The following ZNF407 variants were observed in gnomAD, a reference collection of about 807,000 sequenced individuals.
The protein encoded by ZNF407 is zinc finger protein 407.
In ZNF407, 17 loss-of-function variants were observed where a neutral mutation model predicts 131.2. That is an observed-to-expected ratio of 0.13 (90% CI 0.09 to 0.19). The LOEUF (loss-of-function observed/expected upper bound fraction) is 0.19. Among genes scored for constraint, ZNF407 ranks in the 10% least tolerant of loss-of-function variants. The pLI, the probability that ZNF407 is intolerant of heterozygous loss-of-function variation, is 1.00. For missense variants in ZNF407, 2,681 were observed against 2,830.6 expected, an observed-to-expected ratio of 0.95 and a Z score of 1.20; for synonymous variants, 1,156 against 1,062.0, an observed-to-expected ratio of 1.09 and a Z score of -1.72.
In ZNF407 at chr18:74,649,814, A is replaced by T. The variant is rs1390891824; in HGVS notation, c.4802+8692A>T. Among the ~76,000 whole-genome samples the T allele has an allele frequency of 2.0e-5, 3 of 152,356 alleles. 1 individual carries two copies. The Middle Eastern group carries it at 0.01, about 518-fold the overall frequency. On this transcript the variant is annotated intron_variant, in intron 3 of 8. Transcript: ENST00000299687. ...ACCATTCTTTTTAACAAGGGAAATA[A>T]TGGACACAGGTTTAAGCAGCAAAGT...
chr18:74,622,829 CGTGTGA>C (rs1312776245), intron 1 of ZNF407, among the ~76,000 whole-genome samples: 5 of 44,440 alleles, frequency 1.1e-4, no homozygotes, highest in East Asian at 1.3e-3. Flanking sequence ...AATGTGAGTA[CGTGTGA>C]GTGTGTATCT....
At chr18:74,684,968 A>G (rs956493751) in intron 3 of ZNF407, among the ~76,000 whole-genome samples, 2 of 152,194 alleles carry the variant, frequency 1.3e-5, no homozygotes, top group African/African-American at 4.8e-5. Context: ...GATCAACTTA[A>G]CATTATTTAT....
intron 3 of ZNF407, among the ~76,000 whole-genome samples, chr18:74,717,641 AC>A (rs1352339198): frequency 6.6e-6 from 1 of 152,238 alleles, no homozygotes; most frequent in Non-Finnish European, 1.5e-5. Context: ...CTTAAAACAA[AC>A]AAACAAAACA....
At chr18:74,936,393 T>G (rs533022773) in intron 8 of ZNF407, among the ~76,000 whole-genome samples, 1 of 152,224 alleles carries the variant, frequency 6.6e-6, no homozygotes, top group Non-Finnish European at 1.5e-5. Context: ...GGGTTTGATA[T>G]AGACCCCAAA....
At chr18:74,607,245 G>T (rs1982847878) in intron 1 of ZNF407, among the ~76,000 whole-genome samples, 5 of 152,182 alleles carry the variant, frequency 3.3e-5, no homozygotes. Context: ...TGGGGCTCAA[G>T]AATCTGCATT....
chr18:74,970,266 C>T (rs1435629280), intron 8 of ZNF407, among the ~76,000 whole-genome samples: 1 of 152,058 alleles, frequency 6.6e-6, no homozygotes, highest in African/African-American at 2.4e-5. Flanking sequence ...CATTCCTCCC[C>T]TGGGCCCTCC....
At chr18:74,745,977 A>G (rs1193730469) in intron 3 of ZNF407, among the ~76,000 whole-genome samples, 1 of 152,152 alleles carries the variant, frequency 6.6e-6, no homozygotes, top group Admixed American at 6.5e-5. Context: ...AATGATGGGG[A>G]TATGTTCTGA....
chr18:74,623,872 G>A (rs1227311888), intron 1 of ZNF407, among the ~76,000 whole-genome samples: 1 of 152,070 alleles, frequency 6.6e-6, no homozygotes, highest in African/African-American at 2.4e-5. Context: ...TTGAGTGTTT[G>A]GGTAAGATGG....
chr18:74,975,182 AT>A (rs1441055793), intron 8 of ZNF407, among the ~76,000 whole-genome samples: 2 of 152,248 alleles, frequency 1.3e-5, no homozygotes, highest in Admixed American at 6.5e-5. Flanking sequence ...CTGCTGAAAT[AT>A]GCTTTTAATT....
chr18:74,888,028 G>GT (rs1365142520), intron 6 of ZNF407, among the ~76,000 whole-genome samples: 6 of 152,136 alleles, frequency 3.9e-5, no homozygotes. Context: ...GACAGATACG[G>GT]TTTTGTTGAT....
intron 4 of ZNF407, among the ~76,000 whole-genome samples, chr18:74,799,138 A>G (rs180719578): frequency 2.2e-3 from 329 of 152,262 alleles, no homozygotes; most frequent in Non-Finnish European, 3.1e-3. Flanking sequence ...GTTGACTAAT[A>G]TTGTAAATTG....
intron 1 of ZNF407, among the ~76,000 whole-genome samples, chr18:74,624,847 A>G (rs1983717486): frequency 6.6e-6 from 1 of 152,246 alleles, no homozygotes; most frequent in African/African-American, 2.4e-5. Context: ...ACAAACGACA[A>G]ACAGTTTTAA....
At chr18:74,897,839 G>A (rs568235720) in intron 7 of ZNF407, among the ~76,000 whole-genome samples, 22 of 152,298 alleles carry the variant, frequency 1.4e-4, no homozygotes, top group Admixed American at 3.9e-4. Flanking sequence ...GGGGTTGGAT[G>A]TAGACTCAGC....
At chr18:75,014,547 T>A (rs931843349) in intron 8 of ZNF407, among the ~76,000 whole-genome samples, 2 of 152,168 alleles carry the variant, frequency 1.3e-5, no homozygotes, top group Non-Finnish European at 2.9e-5. Flanking sequence ...GGGCTTTTCC[T>A]GTCAGATAAG....
intron 3 of ZNF407, among the ~76,000 whole-genome samples, chr18:74,755,285 T>C (rs1050201695): frequency 1.3e-5 from 2 of 152,120 alleles, no homozygotes; most frequent in African/African-American, 4.8e-5. Context: ...CGATGGGTCT[T>C]GATTCTTTGT....
intron 3 of ZNF407, among the ~76,000 whole-genome samples, chr18:74,775,518 C>T (rs1422364006): frequency 6.6e-6 from 1 of 152,170 alleles, no homozygotes; most frequent in Non-Finnish European, 1.5e-5. Context: ...GATAGTTTCT[C>T]ACATATTTGT....
At chr18:74,683,778 A>T (rs1337539896) in intron 3 of ZNF407, among the ~76,000 whole-genome samples, 6 of 152,244 alleles carry the variant, frequency 3.9e-5, no homozygotes, top group Non-Finnish European at 7.3e-5. Flanking sequence ...GAGCTAAACC[A>T]GACCTCTTGT....
intron 8 of ZNF407, among the ~76,000 whole-genome samples, chr18:75,021,520 T>C (rs1201145950): frequency 6.6e-6 from 1 of 152,060 alleles, no homozygotes; most frequent in Non-Finnish European, 1.5e-5. Context: ...TCCTCCTGCT[T>C]CCACCTCCCA....
intron 3 of ZNF407, among the ~76,000 whole-genome samples, chr18:74,770,799 G>A (rs1054835360): frequency 6.6e-6 from 1 of 152,074 alleles, no homozygotes; most frequent in African/African-American, 2.4e-5. Flanking sequence ...ACATTTATGT[G>A]TGTTGTAGCT....
Sources: gnomAD v4.1 joint callset for allele counts (sites outside exome capture counted in the v4.1 genomes callset) on GRCh38, gnomAD v4.1.1 for gene constraint, MANE v1.5 for transcripts, NCBI Gene and HGNC (gene_info 2026-07-23, HGNC 2026-07-21) for gene names.